The following MYO16 variants were observed in gnomAD, a reference collection of about 807,000 sequenced individuals.
The protein encoded by MYO16 is myosin XVI.
A neutral mutation model predicts 205.3 loss-of-function variants in MYO16; 94 were observed. That is an observed-to-expected ratio of 0.46 (90% CI 0.39 to 0.54). The LOEUF is 0.54. Ranked by LOEUF, MYO16 falls within the 20% of genes least tolerant of loss-of-function variation. MYO16 has a pLI of 0.00. For missense variants in MYO16, 2,315 were observed against 2,387.5 expected (o/e 0.97, Z 0.63); for synonymous variants, 988 against 954.0 (o/e 1.04, Z -0.66).
At chr13:109,044,273 G>A (rs1886970712) in intron 23 of MYO16, among the ~76,000 whole-genome samples, 1 of 151,694 alleles carries the variant, frequency 6.6e-6, no homozygotes, top group Non-Finnish European at 1.5e-5. Context: ...TTGAAGGAGG[G>A]GAGATGCCAG....
intron 4 of MYO16, among the ~76,000 whole-genome samples, chr13:108,728,499 A>G (rs1884417099): frequency 6.6e-6 from 1 of 152,142 alleles, no homozygotes; most frequent in Non-Finnish European, 1.5e-5. Flanking sequence ...TCTGAAGTCA[A>G]GGTGTGGACA....
chr13:109,077,129 C>T (rs1177042466), intron 27 of MYO16, among the ~76,000 whole-genome samples: 1 of 151,972 alleles, frequency 6.6e-6, no homozygotes, highest in Non-Finnish European at 1.5e-5. Flanking sequence ...AAATGATTCT[C>T]CTGCCTCAGC....
At chr13:108,963,152 TACTC>T (rs1234033773) in intron 19 of MYO16, among the ~76,000 whole-genome samples, 10 of 152,264 alleles carry the variant, frequency 6.6e-5, no homozygotes, top group African/African-American at 2.4e-4. Flanking sequence ...GATCTTCAAG[TACTC>T]ACTCTAAATG....
chr13:109,011,250 TTC>T (rs1025595189), intron 22 of MYO16, among the ~76,000 whole-genome samples: 4 of 151,976 alleles, frequency 2.6e-5, no homozygotes, highest in African/African-American at 9.7e-5. Flanking sequence ...TTAGGTCTTC[TTC>T]TCTTTCTTTC....
At chr13:108,829,339 GT>G (rs1211854567) in intron 9 of MYO16, among the ~76,000 whole-genome samples, 1 of 152,318 alleles carries the variant, frequency 6.6e-6, no homozygotes, top group Non-Finnish European at 1.5e-5. Context: ...AGAAAAAGAT[GT>G]TCTTCACTTA....
chr13:108,666,477 A>AT (rs555621458), intron 2 of MYO16, among the ~76,000 whole-genome samples: 146 of 151,332 alleles, frequency 9.6e-4, no homozygotes, highest in African/African-American at 2.9e-3. Context: ...TTATCAATGA[A>AT]TTTTTTTTTC....
chr13:108,763,656 C>T (rs555970029), intron 4 of MYO16, among the ~76,000 whole-genome samples: 2 of 152,128 alleles, frequency 1.3e-5, no homozygotes, highest in East Asian at 1.9e-4. Flanking sequence ...CACCAGTTAA[C>T]GAAATCTTTT....
intron 12 of MYO16, among the ~76,000 whole-genome samples, chr13:108,879,395 G>T (rs948499335): frequency 2.0e-5 from 3 of 152,024 alleles, no homozygotes; most frequent in African/African-American, 7.2e-5. Flanking sequence ...TAAGTTCTAG[G>T]GTACATGTGC....
At chr13:108,714,180 T>C (rs990329391) in intron 3 of MYO16, among the ~76,000 whole-genome samples, 5 of 152,112 alleles carry the variant, frequency 3.3e-5, no homozygotes, top group African/African-American at 9.7e-5. Flanking sequence ...CTCAGCCGCC[T>C]GAGTAGCTGG....
the MYO16 span, among the ~76,000 whole-genome samples, chr13:108,545,520 A>G: frequency 2.6e-5 from 4 of 152,336 alleles, no homozygotes; most frequent in South Asian, 8.3e-4. Context: ...GCATACACCC[A>G]GTAATTGGAT....
At chr13:108,534,563 A>G in the MYO16 span, among the ~76,000 whole-genome samples, 1 of 151,502 alleles carries the variant, frequency 6.6e-6, no homozygotes, top group Non-Finnish European at 1.5e-5. Flanking sequence ...TTTTTTTCCA[A>G]TTCTACCCAG....
At chr13:108,958,952 A>T (rs1486605059) in intron 17 of MYO16, among the ~76,000 whole-genome samples, 1 of 152,122 alleles carries the variant, frequency 6.6e-6, no homozygotes, top group Non-Finnish European at 1.5e-5. Flanking sequence ...AATCTCTTCT[A>T]TTTATTTTTC....
intron 22 of MYO16, 40 bp downstream of exon 22, chr13:109,009,089 G>C (rs766603161): frequency 6.8e-7 from 1 of 1,460,478 alleles, no homozygotes; most frequent in Non-Finnish European, 9.1e-7. Flanking sequence ...CAGGATATAT[G>C]GGTTTAAATA....
chr13:108,675,031 T>C (rs1882141919), intron 2 of MYO16, among the ~76,000 whole-genome samples: 1 of 152,112 alleles, frequency 6.6e-6, no homozygotes, highest in African/African-American at 2.4e-5. Flanking sequence ...AACTGCTCAA[T>C]AGGATGGGAA....
chr13:108,865,785 G>A (rs1240027321), intron 11 of MYO16, among the ~76,000 whole-genome samples: 2 of 151,858 alleles, frequency 1.3e-5, no homozygotes, highest in African/African-American at 4.8e-5. Context: ...TCTCACTTAT[G>A]CAGTTTATTA....
chr13:108,867,348 A>G lies in MYO16; in HGVS notation c.1425+1106A>G, dbSNP rs529052135. Among the ~76,000 whole-genome samples, 12 of 152,306 alleles carry G rather than the reference A, an allele frequency of 7.9e-5. 1 individual carries two copies. The highest frequency in any genetic ancestry group is 2.6e-4 in the African/African-American group (11 of 41,562). ...ATTACTGCACTCCAGCCTGGGAGAC[A>G]GATTGAGATCCCGTCTCTAAATAGA... On this transcript the variant is annotated intron_variant, in intron 12 of 34. Coordinates refer to ENST00000457511, the MANE Select transcript of MYO16 (RefSeq NM_001198950.3).
the MYO16 span, among the ~76,000 whole-genome samples, chr13:108,569,122 C>G: frequency 6.6e-6 from 1 of 152,050 alleles, no homozygotes; most frequent in South Asian, 2.1e-4. Flanking sequence ...TTGTTACTTT[C>G]AAGATTATTT....
intron 28 of MYO16, among the ~76,000 whole-genome samples, chr13:109,115,719 G>A (rs1010551867): frequency 6.6e-6 from 1 of 151,968 alleles, no homozygotes; most frequent in African/African-American, 2.4e-5. Context: ...TTTTCTTTCG[G>A]TCAATGTCAT....
At chr13:108,833,735 T>A (rs1489673302) in intron 9 of MYO16, among the ~76,000 whole-genome samples, 1 of 152,220 alleles carries the variant, frequency 6.6e-6, no homozygotes, top group African/African-American at 2.4e-5. Flanking sequence ...GTTACTTTGA[T>A]GTTTGTCAAA....
Sources: allele counts gnomAD v4.1 joint callset (sites outside exome capture counted in the v4.1 genomes callset), GRCh38; gene constraint gnomAD v4.1.1; transcripts MANE v1.5; gene names NCBI Gene and HGNC (gene_info 2026-07-23, HGNC 2026-07-21).